Variants in RALGPS2 observed in about 807,000 individuals in gnomAD.
The protein encoded by RALGPS2 is ras-specific guanine nucleotide-releasing factor RalGPS2.
RALGPS2 carries 43 observed loss-of-function variants against 86.8 expected under a neutral mutation model. That is an observed-to-expected ratio of 0.50 (90% CI 0.39 to 0.64). RALGPS2 has a LOEUF of 0.64. Ranked by LOEUF, RALGPS2 falls within the 30% of genes least tolerant of loss-of-function variation. The pLI, the probability that RALGPS2 is intolerant of heterozygous loss-of-function variation, is 0.00. For missense variants in RALGPS2, 536 were observed against 694.6 expected, an observed-to-expected ratio of 0.77 and a Z score of 2.57; for synonymous variants, 243 against 231.3, an observed-to-expected ratio of 1.05 and a Z score of -0.46.
chr1:178,892,531 T>TA (rs1464322726), intron 15 of RALGPS2, among the ~76,000 whole-genome samples: 4 of 152,162 alleles, frequency 2.6e-5, no homozygotes, highest in Non-Finnish European at 5.9e-5. Flanking sequence ...ATCTTAATGT[T>TA]ACATATTTTA....
At chr1:178,789,312 G>A (rs189083957) in intron 4 of RALGPS2, among the ~76,000 whole-genome samples, 5 of 152,316 alleles carry the variant, frequency 3.3e-5, no homozygotes, top group African/African-American at 1.2e-4. Context: ...AGAGATGAAG[G>A]TGGCTTAGAT....
At chr1:178,744,467 A>G (rs181300998) in intron 1 of RALGPS2, among the ~76,000 whole-genome samples, 15 of 152,234 alleles carry the variant, frequency 9.9e-5, no homozygotes, top group Admixed American at 3.3e-4. Context: ...TACTCTCACC[A>G]CTTCTGTTTC....
chr1:178,738,803 C>T (rs1003825602), intron 1 of RALGPS2, among the ~76,000 whole-genome samples: 5 of 152,156 alleles, frequency 3.3e-5, no homozygotes, highest in African/African-American at 1.2e-4. Context: ...TTCTTTTACT[C>T]TTTCTTTCAG....
intron 6 of RALGPS2, among the ~76,000 whole-genome samples, chr1:178,817,880 A>G (rs1655311789): frequency 1.3e-5 from 2 of 152,142 alleles, no homozygotes; most frequent in South Asian, 2.1e-4. Flanking sequence ...TTTCCGGCTC[A>G]TTTTCTAATT....
chr1:178,865,131 C>CA (rs1558159267), intron 8 of RALGPS2: 1 of 1,591,076 alleles, frequency 6.3e-7, no homozygotes, highest in Admixed American at 1.7e-5. Context: ...ACCACCTGGA[C>CA]AAGTGGGGGA....
At chr1:178,833,665 C>G in intron 8 of RALGPS2, 115 bp downstream of exon 8, 1 of 1,407,754 alleles carries the variant, frequency 7.1e-7, no homozygotes, top group Non-Finnish European at 9.2e-7. Context: ...TAAATTACTT[C>G]AAGATTGGTA....
At chr1:178,802,408 C>T (rs1654523055) in intron 4 of RALGPS2, among the ~76,000 whole-genome samples, 1 of 152,114 alleles carries the variant, frequency 6.6e-6, no homozygotes, top group Non-Finnish European at 1.5e-5. Context: ...GGAGCACTTC[C>T]AGCATCTCTA....
chr1:178,829,083 T>A, intron 7 of RALGPS2, among the ~76,000 whole-genome samples: 1 of 152,252 alleles, frequency 6.6e-6, no homozygotes, highest in East Asian at 1.9e-4. Flanking sequence ...GGAATACTAT[T>A]CAGCCTTACA....
intron 8 of RALGPS2, among the ~76,000 whole-genome samples, chr1:178,839,621 C>T (rs1253240089): frequency 6.6e-6 from 1 of 152,096 alleles, no homozygotes; most frequent in African/African-American, 2.4e-5. Context: ...GCAAAATAAC[C>T]AGCGAACATC....
chr1:178,758,069 G>A (rs1294050181), intron 1 of RALGPS2, among the ~76,000 whole-genome samples: 2 of 152,132 alleles, frequency 1.3e-5, no homozygotes, highest in Admixed American at 6.5e-5. Context: ...TTTAGTTTGT[G>A]TGTGTACAGG....
intron 1 of RALGPS2, among the ~76,000 whole-genome samples, chr1:178,734,387 CTTAGGCCAGTAGCAGGGG>C (rs1572266324): frequency 6.6e-6 from 1 of 152,132 alleles, no homozygotes; most frequent in Non-Finnish European, 1.5e-5. Flanking sequence ...AGATAAGTGG[CTTAGGCCAGTAGCAGGGG>C]TAAGGGGGTG....
chr1:178,746,252 T>G (rs1651324718), intron 1 of RALGPS2, among the ~76,000 whole-genome samples: 1 of 152,202 alleles, frequency 6.6e-6, no homozygotes, highest in Non-Finnish European at 1.5e-5. Context: ...ACAATCCAAC[T>G]TTTTGAAATC....
At chr1:178,774,103 G>A (rs1652954243) in intron 1 of RALGPS2, among the ~76,000 whole-genome samples, 1 of 151,968 alleles carries the variant, frequency 6.6e-6, no homozygotes, top group Non-Finnish European at 1.5e-5. Context: ...GTGAAACCCT[G>A]TCTCTACTAA....
intron 1 of RALGPS2, among the ~76,000 whole-genome samples, chr1:178,749,429 T>C (rs1037830648): frequency 1.3e-5 from 2 of 152,180 alleles, no homozygotes; most frequent in Non-Finnish European, 2.9e-5. Context: ...GAGGTTGCAG[T>C]GAGCCTGGTT....
At chr1:178,744,724 G>A (rs1204498255) in intron 1 of RALGPS2, among the ~76,000 whole-genome samples, 1 of 151,366 alleles carries the variant, frequency 6.6e-6, no homozygotes, top group Non-Finnish European at 1.5e-5. Context: ...GGCTGAGGCA[G>A]GAGGATCACT....
chr1:178,915,682 T>C (rs1660784685), intron 19 of RALGPS2, among the ~76,000 whole-genome samples: 1 of 152,220 alleles, frequency 6.6e-6, no homozygotes, highest in South Asian at 2.1e-4. Context: ...GTATTTATGT[T>C]TTTGCATATA....
At chr1:178,824,398 G>A (rs1655650544) in intron 7 of RALGPS2, among the ~76,000 whole-genome samples, 1 of 152,050 alleles carries the variant, frequency 6.6e-6, no homozygotes, top group Non-Finnish European at 1.5e-5. Flanking sequence ...TTATGTTGGT[G>A]GCAATAATCT....
chr1:178,772,892 C>T (rs1271636929), intron 1 of RALGPS2, among the ~76,000 whole-genome samples: 2 of 152,144 alleles, frequency 1.3e-5, no homozygotes, highest in African/African-American at 2.4e-5. Flanking sequence ...ACCTCTGCCT[C>T]CCAGGTTCAA....
At chr1:178,851,510 CT>C (rs141735334) in intron 8 of RALGPS2, among the ~76,000 whole-genome samples, 2 of 151,896 alleles carry the variant, frequency 1.3e-5, no homozygotes, top group African/African-American at 2.4e-5. Flanking sequence ...CTTGAATTGC[CT>C]TTTTTTAACT....
Sources: gnomAD v4.1 joint callset for allele counts (sites outside exome capture counted in the v4.1 genomes callset) on GRCh38, gnomAD v4.1.1 for gene constraint, MANE v1.5 for transcripts, NCBI Gene and HGNC (gene_info 2026-07-23, HGNC 2026-07-21) for gene names.